Variants in TCF20 observed in about 807,000 individuals in gnomAD.
TCF20 encodes SPRE-binding protein.
A neutral mutation model predicts 148.6 loss-of-function variants in TCF20; 3 were observed. That is an observed-to-expected ratio of 0.02 (90% CI 0.01 to 0.05). The LOEUF (loss-of-function observed/expected upper bound fraction) is 0.05, where lower values mean the gene tolerates loss of function less well. Ranked by LOEUF, TCF20 falls within the 10% of genes least tolerant of loss-of-function variation. The pLI is 1.00. For missense variants in TCF20, 2,350 were observed against 2,429.3 expected (o/e 0.97, Z 0.69); for synonymous variants, 1,049 against 909.5 (o/e 1.15, Z -2.76).
chr22:42,189,677 C>G (rs62240931), intron 2 of TCF20, among the ~76,000 whole-genome samples: 10 of 152,172 alleles, frequency 6.6e-5, no homozygotes, highest in Non-Finnish European at 1.5e-4. Flanking sequence ...TAGCCTAAAA[C>G]TTGCTTTTTA....
At chr22:42,217,795 G>A (rs1193282312) in intron 1 of TCF20, among the ~76,000 whole-genome samples, 1 of 152,190 alleles carries the variant, frequency 6.6e-6, no homozygotes, top group African/African-American at 2.4e-5. Context: ...GTCCACATGA[G>A]AACTGAGGAA....
At chr22:42,293,772 C>T (rs866094412) in intron 1 of TCF20, among the ~76,000 whole-genome samples, 2 of 152,190 alleles carry the variant, frequency 1.3e-5, no homozygotes, top group African/African-American at 4.8e-5. Flanking sequence ...GAGGCCAAGG[C>T]GGGCAGATCA....
chr22:42,315,765 C>A (rs1927618205), intron 1 of TCF20, among the ~76,000 whole-genome samples: 1 of 152,062 alleles, frequency 6.6e-6, no homozygotes. Flanking sequence ...CAGAGGTAGC[C>A]CCAGGTGGAG....
At chr22:42,218,630 T>C (rs190025718) in intron 1 of TCF20, among the ~76,000 whole-genome samples, 2 of 152,332 alleles carry the variant, frequency 1.3e-5, no homozygotes, top group African/African-American at 4.8e-5. Context: ...GTTTAATTAA[T>C]CCTTCTGGAA....
chr22:42,166,351 T>A (rs149021701), intron 5 of TCF20, among the ~76,000 whole-genome samples: 88 of 152,342 alleles, frequency 5.8e-4, no homozygotes, highest in African/African-American at 1.9e-3. Flanking sequence ...CTCACGCCTG[T>A]AATCCCGGCA....
chr22:42,212,293 A>G lies in TCF20; in HGVS notation c.3013T>C (p.Ser1005Pro), dbSNP rs376665590. 30 of 1,613,976 alleles carry G rather than the reference A, an allele frequency of 1.9e-5. No homozygotes were observed. The highest frequency in any genetic ancestry group is 2.5e-5 in the Non-Finnish European group (29 of 1,180,018). Residue 1005 changes from serine (S) to proline (P), a missense_variant, in exon 2 of 6, where the codon TCC (serine) becomes CCC (proline). By Grantham distance (74) the Ser-to-Pro change is moderately conservative (BLOSUM62 -1). This residue lies in a region of TCF20 where 1,641 missense variants were observed against 1,662.6 expected (regional missense o/e 0.99). Transcript: ENST00000677622. ...VGGREGMRGR[S>P]PSQYHDFAEK... The stretch of plus-strand genomic sequence containing the variant: ...GCAAAGTCATGATATTGAGAAGGGG[A>G]CCGACCCCTCATGCCCTCCCGACCA...
intron 1 of TCF20, among the ~76,000 whole-genome samples, chr22:42,238,042 A>G (rs1443198628): frequency 6.6e-6 from 1 of 152,222 alleles, no homozygotes; most frequent in Non-Finnish European, 1.5e-5. Flanking sequence ...TTTTGAAGCC[A>G]GGCACTGACT....
chr22:42,261,884 G>A (rs1203269758), intron 1 of TCF20, among the ~76,000 whole-genome samples: 4 of 152,142 alleles, frequency 2.6e-5, no homozygotes, highest in Admixed American at 2.0e-4. Flanking sequence ...CCAGCTAGTC[G>A]GGAGGCTGAG....
At chr22:42,187,430 T>C (rs1937098786) in intron 2 of TCF20, among the ~76,000 whole-genome samples, 1 of 152,216 alleles carries the variant, frequency 6.6e-6, no homozygotes, top group African/African-American at 2.4e-5. Context: ...TGGGAAAACC[T>C]TTCAAGTCAA....
At chr22:42,204,507 A>G (rs1042774740) in intron 2 of TCF20, among the ~76,000 whole-genome samples, 4 of 151,746 alleles carry the variant, frequency 2.6e-5, no homozygotes, top group African/African-American at 7.3e-5. Flanking sequence ...AAAATCAAGG[A>G]AAAAAAACCC....
rs889246515 is a variant in TCF20, at chr22:42,290,010, G to A, written c.-37+53469C>T. The stretch of plus-strand genomic sequence containing the variant: ...AATATTCTCCTCGGCGTGTGCAGGC[G>A]GCCGGGGCGATGTTCCAGGAATATT... On this transcript the variant is annotated intron_variant, in intron 1 of 1. Coordinates refer to the TCF20 transcript ENST00000515426. The surrounding 1 kb of genome is among the most constrained non-coding windows in gnomAD (Gnocchi z 4.2). 8.5e-5 allele frequency among the ~76,000 whole-genome samples: 13 copies of A among 152,244 alleles called. No individual in the cohort carries two copies. Among genetic ancestry groups the A allele is most frequent in the African/African-American group, 2.4e-4 (10 of 41,462 alleles).
At chr22:42,173,678 A>G (rs2147072228) in intron 3 of TCF20, among the ~76,000 whole-genome samples, 1 of 152,352 alleles carries the variant, frequency 6.6e-6, no homozygotes. Context: ...ACTGTGTGGA[A>G]TAATACAAGC....
intron 2 of TCF20, among the ~76,000 whole-genome samples, chr22:42,195,824 C>T (rs1443395522): frequency 2.6e-5 from 4 of 152,162 alleles, no homozygotes; most frequent in Non-Finnish European, 4.4e-5. Flanking sequence ...TTTAAACATA[C>T]ATATTTAAAT....
At chr22:42,268,947 C>A (rs945826189) in intron 1 of TCF20, among the ~76,000 whole-genome samples, 1 of 152,184 alleles carries the variant, frequency 6.6e-6, no homozygotes, top group Non-Finnish European at 1.5e-5. Flanking sequence ...ATGGCTAAAA[C>A]AGAGCACAAA....
Position 42,212,940 on chromosome 22 carries a change from T to C in TCF20, c.2366A>G (p.Asn789Ser). Residue 789 changes from asparagine (N) to serine (S), a missense_variant, in exon 2 of 6, where the codon AAT (asparagine) becomes AGT (serine). By Grantham distance (46) the Asn-to-Ser change is conservative (BLOSUM62 1). This residue lies in a region of TCF20 where 1,641 missense variants were observed against 1,662.6 expected (regional missense o/e 0.99). Coordinates refer to ENST00000677622, the MANE Select transcript of TCF20 (RefSeq NM_001378418.1). ...AGSLEGTTRP[N>S]VLVSQTNELA... is the part of the protein sequence containing the mutation. ...TTCATTGGTTTGACTAACCAAGACA[T>C]TGGGCCTTGTGGTTCCTTCTAGGCT... 3 of 1,614,170 alleles carry C rather than the reference T, an allele frequency of 1.9e-6. No homozygotes were observed. The highest frequency in any genetic ancestry group is 2.5e-6 in the Non-Finnish European group (3 of 1,180,030).
At chr22:42,226,953 A>G (rs1349087266) in intron 1 of TCF20, among the ~76,000 whole-genome samples, 2 of 152,214 alleles carry the variant, frequency 1.3e-5, no homozygotes, top group Non-Finnish European at 2.9e-5. Context: ...TAAAATTCTA[A>G]TAGGTTCCAG....
At chr22:42,326,160 T>C (rs1009690082) in intron 1 of TCF20, among the ~76,000 whole-genome samples, 1 of 151,966 alleles carries the variant, frequency 6.6e-6, no homozygotes, top group Non-Finnish European at 1.5e-5. Context: ...CACTGACCAG[T>C]CAACGCAGGA....
intron 1 of TCF20, among the ~76,000 whole-genome samples, chr22:42,280,738 G>A (rs1274339432): frequency 1.3e-5 from 2 of 152,222 alleles, no homozygotes; most frequent in Admixed American, 1.3e-4. Flanking sequence ...GACACTAGGT[G>A]CTAGAGCCTT....
intron 1 of TCF20, among the ~76,000 whole-genome samples, chr22:42,222,575 C>T (rs999326389): frequency 6.6e-6 from 1 of 152,126 alleles, no homozygotes; most frequent in South Asian, 2.1e-4. Flanking sequence ...TGCTCAGCCC[C>T]CTTTGTGCCA....
Sources: gnomAD v4.1 joint callset for allele counts (sites outside exome capture counted in the v4.1 genomes callset) on GRCh38, gnomAD v4.1.1 for gene constraint, gnomAD v4.1.1 regional missense constraint, Gnocchi (gnomAD v3.1) non-coding constraint, MANE v1.5 for transcripts, NCBI Gene and HGNC (gene_info 2026-07-23, HGNC 2026-07-21) for gene names.